The following FREM2 variants were observed in gnomAD, a reference collection of about 807,000 sequenced individuals.
The protein encoded by FREM2 is FRAS1-related extracellular matrix protein 2.
Under a neutral mutation model 219.9 loss-of-function variants are expected in FREM2, and 119 were observed. The observed-to-expected ratio is 0.54, with a 90% CI of 0.47 to 0.63. The LOEUF is 0.63. FREM2 is among the 30% of genes least tolerant of loss of function. The pLI is 0.00. For missense variants in FREM2, 4,030 were observed against 3,993.6 expected (o/e 1.01, Z -0.25); for synonymous variants, 1,562 against 1,522.8 (o/e 1.03, Z -0.60).
chr13:38,818,436 A>G (rs948059535), intron 6 of FREM2, among the ~76,000 whole-genome samples: 4 of 152,124 alleles, frequency 2.6e-5, no homozygotes, highest in Non-Finnish European at 4.4e-5. Context: ...CAGACACAGA[A>G]AGACAAATAC....
chr13:38,734,311 G>C (rs908007686), intron 2 of FREM2, among the ~76,000 whole-genome samples: 1 of 152,168 alleles, frequency 6.6e-6, no homozygotes, highest in African/African-American at 2.4e-5. Flanking sequence ...TTTTGAGCCT[G>C]GCTGGAGGCA....
chr13:38,858,349 A>G (rs1323693404), intron 13 of FREM2, among the ~76,000 whole-genome samples: 1 of 152,176 alleles, frequency 6.6e-6, no homozygotes, highest in African/African-American at 2.4e-5. Context: ...TGGTAACTCT[A>G]ATATAAGGCA....
In FREM2 at chr13:38,687,430, G is replaced by GGCTGCT. The variant is rs568736669; in HGVS notation, c.102_107dup (p.Leu37_Leu38dup). The GGCTGCT allele has an allele frequency of 2.5e-6, 4 of 1,599,342 alleles. No homozygotes were observed. The highest frequency in any genetic ancestry group is 1.3e-5 in the African/African-American group (1 of 74,752). ...CAACCAGGACCGCCACCGCCGCCCC[G>GGCTGCT]GCTGCTGCTGCTGCTGCTGCTTCTC... On this transcript the variant is annotated inframe_insertion, in exon 1 of 24. Coordinates refer to ENST00000280481, the MANE Select transcript of FREM2 (RefSeq NM_207361.6).
Position 38,818,817 on chromosome 13 carries a change from G to T in FREM2, c.6020-27756G>T, listed in dbSNP as rs1044776369. 2.6e-5 allele frequency among the ~76,000 whole-genome samples: 4 copies of T among 151,794 alleles called. No homozygotes were observed. In the East Asian group the frequency reaches 7.8e-4, roughly 29 times the overall value. ...GTCTTTACTAAAAATACAAAAATTAGTGGGGCAGAGGTTGCAGTGAGCCAA... is the reference window on the plus strand; with the variant it reads ...GTCTTTACTAAAAATACAAAAATTATTGGGGCAGAGGTTGCAGTGAGCCAA... On this transcript the variant is annotated intron_variant, in intron 6 of 23. Transcript: ENST00000280481.
At chr13:38,750,594 G>A (rs531609233) in intron 2 of FREM2, among the ~76,000 whole-genome samples, 1 of 152,282 alleles carries the variant, frequency 6.6e-6, no homozygotes, top group South Asian at 2.1e-4. Flanking sequence ...ACTTGGGAGT[G>A]CAGATATCTC....
intron 2 of FREM2, among the ~76,000 whole-genome samples, chr13:38,758,010 G>T (rs186307661): frequency 6.6e-6 from 1 of 152,296 alleles, no homozygotes; most frequent in East Asian, 1.9e-4. Context: ...GGGAGAAAAT[G>T]ATAGAACAAT....
intron 6 of FREM2, among the ~76,000 whole-genome samples, chr13:38,788,122 C>T (rs1874406033): frequency 6.6e-6 from 1 of 152,090 alleles, no homozygotes; most frequent in African/African-American, 2.4e-5. Context: ...TATTTTCTTT[C>T]TTTACAGTTA....
intron 2 of FREM2, among the ~76,000 whole-genome samples, chr13:38,706,193 T>C (rs2138088921): frequency 6.6e-6 from 1 of 152,304 alleles, no homozygotes; most frequent in East Asian, 1.9e-4. Flanking sequence ...CGTATCTTGA[T>C]TTGATCAAAA....
chr13:38,687,821 G>T lies in FREM2; in HGVS notation c.477G>T (p.Ala159=), dbSNP rs373948549. The change falls in exon 1 of 24, where the codon GCG becomes GCT. Residue 159 remains alanine, a synonymous_variant. Coordinates refer to ENST00000280481, the MANE Select transcript of FREM2 (RefSeq NM_207361.6). ...DRVRLQLRYD[A]PGGAVVLPLV... ...TCCGGCTGCAGCTGCGCTATGACGC[G>T]CCCGGAGGGGCAGTAGTGCTACCAC... is the stretch of plus-strand genomic sequence containing the variant. The T allele has an allele frequency of 1.9e-5, 29 of 1,542,868 alleles. No homozygotes were observed. The African/African-American group carries it at 3.1e-4, about 17-fold the overall frequency.
intron 6 of FREM2, among the ~76,000 whole-genome samples, chr13:38,788,404 C>G (rs1189826646): frequency 6.6e-6 from 1 of 152,022 alleles, no homozygotes; most frequent in African/African-American, 2.4e-5. Context: ...GTACCTTATC[C>G]ACTGCTGCGT....
chr13:38,744,133 C>T (rs1347750211), intron 2 of FREM2, among the ~76,000 whole-genome samples: 1 of 149,680 alleles, frequency 6.7e-6, no homozygotes, highest in Non-Finnish European at 1.5e-5. Context: ...AAACAACTAA[C>T]ATTTGTTAAG....
At chr13:38,836,933 G>A (rs780089936) in intron 6 of FREM2, among the ~76,000 whole-genome samples, 9 of 151,652 alleles carry the variant, frequency 5.9e-5, no homozygotes, top group Non-Finnish European at 1.2e-4. Flanking sequence ...GGTTTTTTGC[G>A]TCTCTACTTC....
rs1540131 is a variant in FREM2, at chr13:38,878,098, T to C, written c.8672-36T>C. 0.7 allele frequency: 1,086,954 copies of C among 1,546,988 alleles called. 384,208 individuals are homozygous for C. Among genetic ancestry groups the C allele is most frequent in the East Asian group, 0.85 (37,971 of 44,474 alleles). On this transcript the variant is annotated intron_variant, in intron 21 of 23. Coordinates refer to ENST00000280481, the MANE Select transcript of FREM2 (RefSeq NM_207361.6). Reference sequence around the variant, plus strand: ...AGTGTCACGTTGATATACCTTATCATATAACAGAAATAACATTTCCACATC... The same window carrying C: ...AGTGTCACGTTGATATACCTTATCACATAACAGAAATAACATTTCCACATC...
intron 14 of FREM2, among the ~76,000 whole-genome samples, chr13:38,859,899 G>T (rs1877701875): frequency 1.3e-5 from 2 of 149,986 alleles, no homozygotes. Flanking sequence ...GTCTAGACAG[G>T]GCACAGGAAT....
At chr13:38,806,372 A>G (rs1484664207) in intron 6 of FREM2, among the ~76,000 whole-genome samples, 2 of 151,946 alleles carry the variant, frequency 1.3e-5, no homozygotes, top group African/African-American at 4.8e-5. Context: ...TCTCTCCTAG[A>G]ACTTGGGAAG....
chr13:38,688,040 ACTC>A lies in FREM2; in HGVS notation c.701_703del (p.Leu234del), dbSNP rs1869573850. The A allele has an allele frequency of 6.2e-7, 1 of 1,608,568 alleles. No individual in the cohort carries two copies. Among genetic ancestry groups the A allele is most frequent in the East Asian group, 2.2e-5 (1 of 44,706 alleles). On this transcript the variant is annotated inframe_deletion, in exon 1 of 24. Transcript: ENST00000280481. ...TGGGCGCGCTGCCTCGCTATGGAGA[ACTC>A]CTCCACTACCCGCAGGTCCCTGGAG...
chr13:38,778,552 A>G (rs904964722), intron 4 of FREM2, among the ~76,000 whole-genome samples: 1 of 152,172 alleles, frequency 6.6e-6, no homozygotes, highest in Non-Finnish European at 1.5e-5. Flanking sequence ...CATATAATAC[A>G]GGACGAACAC....
intron 6 of FREM2, among the ~76,000 whole-genome samples, chr13:38,801,418 G>C (rs970587728): frequency 3.9e-5 from 6 of 152,034 alleles, no homozygotes; most frequent in African/African-American, 1.4e-4. Context: ...CATGTTTCCT[G>C]TGTCCTTATG....
chr13:38,877,141 T>C lies in FREM2; in HGVS notation c.8569T>C (p.Phe2857Leu). Residue 2857 changes from phenylalanine to leucine, a missense_variant, in exon 21 of 24, where the codon TTT becomes CTT. Transcript: ENST00000280481. ...GGTCAGTGATCCAGTGGCTGCTGAG[T>C]TTAGCTTGAACACCCAAATGTACCT... ...QQVSDPVAAEFSLNTQMYLLS... is the reference protein window; with the variant it reads ...QQVSDPVAAELSLNTQMYLLS... 2 of 1,614,104 alleles carry C rather than the reference T, an allele frequency of 1.2e-6. No homozygotes were observed. The highest frequency in any genetic ancestry group is 2.7e-5 in the African/African-American group (2 of 75,044).
Sources: allele counts gnomAD v4.1 joint callset (sites outside exome capture counted in the v4.1 genomes callset), GRCh38; gene constraint gnomAD v4.1.1; transcripts MANE v1.5; gene names NCBI Gene and HGNC (gene_info 2026-07-23, HGNC 2026-07-21).